Variants in MAOA observed in about 807,000 individuals in gnomAD.
MAOA encodes the protein monoamine oxidase A.
MAOA carries 6 observed loss-of-function variants against 42.0 expected under a neutral mutation model. The observed-to-expected ratio is 0.14, with a 90% confidence interval of 0.08 to 0.28. The LOEUF is 0.28. Ranked by LOEUF, MAOA falls within the 10% of genes least tolerant of loss-of-function variation. MAOA has a pLI of 1.00. For synonymous variants in MAOA, 140 were observed against 154.0 expected, an observed-to-expected ratio of 0.91 and a Z score of 0.67; for missense variants, 262 against 422.3, an observed-to-expected ratio of 0.62 and a Z score of 3.33.
At chrX:43,688,008 A>G (rs999095260) in intron 2 of MAOA, among the ~76,000 whole-genome samples, 3 of 112,291 alleles carry the variant, frequency 2.7e-5, no homozygotes, top group Admixed American at 1.9e-4. Context: ...TTCTTAGTGC[A>G]TCAGTGAGAG....
intron 2 of MAOA, among the ~76,000 whole-genome samples, chrX:43,684,406 G>A (rs150945576): frequency 0.01 from 1,131 of 111,209 alleles, 16 homozygotes; most frequent in African/African-American, 0.035. Context: ...ATAAAAGTGG[G>A]GGAGAAAGGG....
intron 1 of MAOA, among the ~76,000 whole-genome samples, chrX:43,674,623 C>T (rs1189672905): frequency 2.7e-3 from 298 of 111,129 alleles, no homozygotes; most frequent in African/African-American, 9.2e-3. Context: ...CCTTCAGGAG[C>T]TCTTTTAGGG....
intron 10 of MAOA, among the ~76,000 whole-genome samples, chrX:43,736,559 A>G (rs2033921632): frequency 8.9e-6 from 1 of 111,888 alleles, no homozygotes. Flanking sequence ...ATTAGCTGTG[A>G]AAAATGCTGT....
At chrX:43,691,624 A>T (rs1256977240) in intron 2 of MAOA, among the ~76,000 whole-genome samples, 2 of 111,653 alleles carry the variant, frequency 1.8e-5, no homozygotes, top group Admixed American at 9.5e-5. Context: ...TCCCTAAAAA[A>T]ATCACCAAGC....
At chrX:43,661,950 C>T (rs767079310) in intron 1 of MAOA, among the ~76,000 whole-genome samples, 13 of 111,554 alleles carry the variant, frequency 1.2e-4, no homozygotes, top group African/African-American at 4.2e-4. Flanking sequence ...TTCTTATCTT[C>T]TGAGAGACAG....
At chrX:43,677,749 C>G (rs2033411024) in intron 1 of MAOA, among the ~76,000 whole-genome samples, 1 of 111,691 alleles carries the variant, frequency 9.0e-6, no homozygotes, top group South Asian at 3.7e-4. Context: ...AAGGCCTTAA[C>G]AAACTCTTTG....
intron 1 of MAOA, among the ~76,000 whole-genome samples, chrX:43,683,019 T>A (rs2033456277): frequency 8.9e-6 from 1 of 111,949 alleles, no homozygotes; most frequent in African/African-American, 3.3e-5. Context: ...GGAAACAAGA[T>A]CTAGCAAGCA....
In MAOA at chrX:43,744,534, T is replaced by G. The variant is rs1472382575; in HGVS notation, c.*21T>G. 1.2e-5 allele frequency: 15 copies of G among 1,203,185 alleles called. No individual in the cohort carries two copies. Among genetic ancestry groups the G allele is most frequent in the Non-Finnish European group, 1.6e-5 (14 of 889,210 alleles). On this transcript the variant is annotated 3_prime_UTR_variant, in exon 15 of 15. Transcript: ENST00000338702. ...CTTGAAGTTCTGTTCTTATGCTCTC[T>G]GCTCACTGGTTTTCAATACCACCAA...
In MAOA at chrX:43,744,373, C is replaced by A; in HGVS notation, c.1444C>A (p.Pro482Thr). 8.3e-7 allele frequency: 1 copy of A among 1,210,940 alleles called. No individual in the cohort carries two copies. Among genetic ancestry groups the A allele is most frequent in the Non-Finnish European group, 1.1e-6 (1 of 895,103 alleles). Residue 482 changes from proline to threonine, a missense_variant, in exon 15 of 15, where the codon CCA becomes ACA. Pro to Thr is a conservative substitution (Grantham distance 38). Coordinates refer to ENST00000338702, the MANE Select transcript of MAOA (RefSeq NM_000240.4). ...WVQEPESKDV[P>T]AVEITHTFWE... ...TCTGTGTTCCTTCATCTAGGACGTTCCAGCGGTAGAAATCACCCACACCTT... is the reference window on the plus strand; with the variant it reads ...TCTGTGTTCCTTCATCTAGGACGTTACAGCGGTAGAAATCACCCACACCTT...
chrX:43,711,169 AT>A (rs2033696671), intron 3 of MAOA, among the ~76,000 whole-genome samples: 1 of 111,149 alleles, frequency 9.0e-6, no homozygotes, highest in East Asian at 2.8e-4. Context: ...AAAAAAAAAA[AT>A]CTATCATTTT....
intron 9 of MAOA, among the ~76,000 whole-genome samples, chrX:43,735,264 C>A (rs1289911423): frequency 8.9e-6 from 1 of 111,975 alleles, no homozygotes; most frequent in East Asian, 2.8e-4. Flanking sequence ...AAAAGAAATA[C>A]AAATTTAAAA....
chrX:43,738,175 G>A (rs2147105878), intron 10 of MAOA, among the ~76,000 whole-genome samples: 1 of 112,329 alleles, frequency 8.9e-6, no homozygotes, highest in Non-Finnish European at 1.9e-5. Flanking sequence ...TTAGAAACCA[G>A]TGAATAAGTT....
At chrX:43,712,638 T>C in intron 4 of MAOA, 67 bp from the exon 5 acceptor site, 1 of 711,520 alleles carries the variant, frequency 1.4e-6, no homozygotes, top group Non-Finnish European at 2.2e-6. Context: ...GAGGTTTTCA[T>C]GAGGGCCTTC....
intron 1 of MAOA, among the ~76,000 whole-genome samples, chrX:43,674,746 CTTTTCT>C (rs1248155151): frequency 3.8e-5 from 4 of 105,987 alleles, no homozygotes; most frequent in African/African-American, 1.4e-4. Flanking sequence ...GTTGAAAATT[CTTTTCT>C]TTAAGAATGT....
Position 43,693,254 on chromosome X carries a change from A to C in MAOA, c.169-37A>C, listed in dbSNP as rs762489305. ...ACAAGACACCTTTTTTCCAAGTTTT[A>C]ACTAAAGTCCTCTGACCAATTTTTC... On this transcript the variant is annotated intron_variant, in intron 2 of 14. Transcript: ENST00000338702. 1.2e-5 allele frequency: 14 copies of C among 1,196,071 alleles called. No homozygotes were observed. The East Asian group carries it at 3.9e-4, about 33-fold the overall frequency.
At chrX:43,682,170 C>T (rs1364180285) in intron 1 of MAOA, among the ~76,000 whole-genome samples, 5 of 111,513 alleles carry the variant, frequency 4.5e-5, no homozygotes, top group Non-Finnish European at 9.4e-5. Flanking sequence ...CGTGAGCCAC[C>T]GTGCCTGGCC....
intron 6 of MAOA, 79 bp downstream of exon 6, chrX:43,728,393 G>C: frequency 9.7e-7 from 1 of 1,033,662 alleles, no homozygotes; most frequent in Non-Finnish European, 1.4e-6. Flanking sequence ...GTCTTTAATA[G>C]TTGCTTCAGG....
At chrX:43,692,000 GACACACACAC>G (rs753022851) in intron 2 of MAOA, among the ~76,000 whole-genome samples, 3 of 65,012 alleles carry the variant, frequency 4.6e-5, no homozygotes, top group African/African-American at 1.9e-4. Context: ...GCACTGTATA[GACACACACAC>G]ACACACACAC....
chrX:43,721,497 A>G (rs1240426387), intron 5 of MAOA, among the ~76,000 whole-genome samples: 4 of 110,658 alleles, frequency 3.6e-5, no homozygotes, highest in Admixed American at 9.7e-5. Context: ...CTCATTGGCT[A>G]TAGTGTGGAG....
Sources: allele counts gnomAD v4.1 joint callset (sites outside exome capture counted in the v4.1 genomes callset), GRCh38; gene constraint gnomAD v4.1.1; transcripts MANE v1.5; gene names NCBI Gene and HGNC (gene_info 2026-07-23, HGNC 2026-07-21).